The following GDI2 variants were observed in gnomAD, a reference collection of about 807,000 sequenced individuals.
GDI2 encodes the protein rab GDP dissociation inhibitor beta.
GDI2 carries 22 observed loss-of-function variants against 54.2 expected under a neutral mutation model. The ratio of observed to expected loss-of-function variants is 0.41; its 90% CI spans 0.29 to 0.58. The LOEUF (loss-of-function observed/expected upper bound fraction) is 0.58. GDI2 is among the 20% of genes least tolerant of loss of function. GDI2 has a pLI of 0.35. For synonymous variants in GDI2, 177 were observed against 182.1 expected, an observed-to-expected ratio of 0.97 and a Z score of 0.23; for missense variants, 422 against 546.0, an observed-to-expected ratio of 0.77 and a Z score of 2.26.
In GDI2 at chr10:5,779,762, C is replaced by T. The variant is rs1479871897; in HGVS notation, c.719+5380G>A. The stretch of plus-strand genomic sequence containing the variant: ...ACACTGAAATGCAGTGGTATGATCA[C>T]GGCTCACTGCAGTCTCAACCTCTCA... On this transcript the variant is annotated intron_variant, in intron 6 of 10. Coordinates refer to ENST00000380191, the MANE Select transcript of GDI2 (RefSeq NM_001494.4). 2.7e-5 allele frequency among the ~76,000 whole-genome samples: 4 copies of T among 150,710 alleles called. No homozygotes were observed. In the South Asian group the frequency reaches 6.3e-4, roughly 24 times the overall value.
At position 5,813,300 on chromosome 10, in the gene GDI2, C is replaced by T. The variant is rs747130144; in HGVS notation, c.-42G>A. ...ACGCAGGACCCGAGCAAGGAAAAGGCGCAGGGGCTCCGTGACCACCCTACG... is the reference window on the plus strand; with the variant it reads ...ACGCAGGACCCGAGCAAGGAAAAGGTGCAGGGGCTCCGTGACCACCCTACG... On this transcript the variant is annotated 5_prime_UTR_variant, in exon 1 of 11. Transcript: ENST00000380191. 25 of 1,474,392 alleles carry T rather than the reference C, an allele frequency of 1.7e-5. No individual in the cohort carries two copies. The East Asian group carries it at 5.5e-4, about 33-fold the overall frequency. 91.3% of individuals were successfully genotyped at this position (1,474,392 alleles called of 1,614,324 possible). A position where few individuals can be genotyped will look rare whatever the true frequency, so the allele number is the denominator to read the frequency against.
intron 7 of GDI2, among the ~76,000 whole-genome samples, 160 bp downstream of exon 7, chr10:5,773,680 TAA>T (rs1840549619): frequency 6.6e-6 from 1 of 152,198 alleles, no homozygotes; most frequent in South Asian, 2.1e-4. Context: ...AAGATGCTTT[TAA>T]AACAAAGCAC....
Position 5,774,394 on chromosome 10 carries a change from G to A in GDI2, c.720-453C>T, listed in dbSNP as rs1277450291. On this transcript the variant is annotated intron_variant, in intron 6 of 10. Transcript: ENST00000380191. This position sits in a 1 kb window ranked among gnomAD's most constrained non-coding sequence, Gnocchi z 4.8. ...TAACATATTTTGGTGCCTGTGACTC[G>A]GCTACCTTCCACCAGCAACACATTT... Among the ~76,000 whole-genome samples the A allele has an allele frequency of 1.3e-5, 2 of 152,100 alleles. No homozygotes were observed. The highest frequency in any genetic ancestry group is 2.1e-4 in the South Asian group (1 of 4,818).
Position 5,776,865 on chromosome 10 carries a change from T to C in GDI2, c.720-2924A>G, listed in dbSNP as rs1196960934. 2 of 1,168,654 alleles carry C rather than the reference T, an allele frequency of 1.7e-6. No individual in the cohort carries two copies. The highest frequency in any genetic ancestry group is 1.6e-5 in the African/African-American group (1 of 64,340). The allele number at this position is 1,168,654 out of a possible 1,614,324, so 72.4% of individuals were successfully genotyped here. A position where few individuals can be genotyped will look rare whatever the true frequency, so the allele number is the denominator to read the frequency against. ...TGAAAGGATTTATGAATAATTAAAA[T>C]GGAAGGCCAGAGAAGAGGGGAGAAG... On this transcript the variant is annotated intron_variant, in intron 6 of 10. Transcript: ENST00000380191. The surrounding 1 kb of genome is among the most constrained non-coding windows in gnomAD (Gnocchi z 5.3).
intron 6 of GDI2, among the ~76,000 whole-genome samples, chr10:5,780,240 AAAAAC>A (rs1840724223): frequency 6.6e-6 from 1 of 151,498 alleles, no homozygotes; most frequent in African/African-American, 2.4e-5. Flanking sequence ...AAACAAACAA[AAAAAC>A]AGACCAAACT....
At chr10:5,793,234 A>G (rs750027941) in intron 4 of GDI2, among the ~76,000 whole-genome samples, 2 of 152,066 alleles carry the variant, frequency 1.3e-5, no homozygotes, top group Admixed American at 6.6e-5. Flanking sequence ...GCCTAAATCA[A>G]TCCTCCTACC....
intron 4 of GDI2, among the ~76,000 whole-genome samples, chr10:5,792,461 C>T (rs1452910153): frequency 6.6e-6 from 1 of 152,080 alleles, no homozygotes; most frequent in Non-Finnish European, 1.5e-5. Context: ...TGAACTTTGC[C>T]ACCTCTCCAC....
chr10:5,811,149 C>T, intron 1 of GDI2, among the ~76,000 whole-genome samples: 1 of 152,134 alleles, frequency 6.6e-6, no homozygotes, highest in East Asian at 1.9e-4. Context: ...TATATGATTT[C>T]TCATTATCAA....
At chr10:5,782,558 A>C (rs940408433) in intron 6 of GDI2, among the ~76,000 whole-genome samples, 1 of 152,316 alleles carries the variant, frequency 6.6e-6, no homozygotes, top group East Asian at 1.9e-4. Context: ...ATAGCCAAAA[A>C]CTGAAAACTA....
At position 5,766,409 on chromosome 10, in the gene GDI2, C is replaced by A; in HGVS notation, c.1136+85G>T. On this transcript the variant is annotated intron_variant, in intron 9 of 10. Transcript: ENST00000380191. The surrounding 1 kb of genome is among the most constrained non-coding windows in gnomAD (Gnocchi z 5.8). ...CCACAGAGCAGCCAGCAGCTACCTG[C>A]CTTGCCCTCACATTCGTCCCACCAT... 1 of 1,530,540 alleles carries A rather than the reference C, an allele frequency of 6.5e-7. No individual in the cohort carries two copies. Among genetic ancestry groups the A allele is most frequent in the African/African-American group, 1.4e-5 (1 of 73,366 alleles). 94.8% of individuals were successfully genotyped at this position (1,530,540 alleles called of 1,614,324 possible).
rs190743732 is a variant in GDI2, at chr10:5,774,862, C to T, written c.720-921G>A. On this transcript the variant is annotated intron_variant, in intron 6 of 10. Transcript: ENST00000380191. This position sits in a 1 kb window ranked among gnomAD's most constrained non-coding sequence, Gnocchi z 4.8. Reference sequence around the variant, plus strand: ...GGGACTATCCACATCAGAGGCAAATCTGCCATTTCTCTGGATTCACACCCA... The same window carrying T: ...GGGACTATCCACATCAGAGGCAAATTTGCCATTTCTCTGGATTCACACCCA... 3.3e-5 allele frequency among the ~76,000 whole-genome samples: 5 copies of T among 152,152 alleles called. No individual in the cohort carries two copies. Among genetic ancestry groups the T allele is most frequent in the African/African-American group, 1.2e-4 (5 of 41,414 alleles).
At chr10:5,787,578 C>T (rs1175244618) in intron 4 of GDI2, among the ~76,000 whole-genome samples, 1 of 151,908 alleles carries the variant, frequency 6.6e-6, no homozygotes, top group African/African-American at 2.4e-5. Flanking sequence ...TTAAGATTTA[C>T]AATTCAGCCT....
At chr10:5,802,411 C>G (rs1335190294) in intron 1 of GDI2, among the ~76,000 whole-genome samples, 1 of 152,066 alleles carries the variant, frequency 6.6e-6, no homozygotes, top group African/African-American at 2.4e-5. Flanking sequence ...CCATCCTGGC[C>G]AACATGGTGA....
At position 5,766,413 on chromosome 10, in the gene GDI2, G is replaced by T; in HGVS notation, c.1136+81C>A. The T allele has an allele frequency of 6.5e-7, 1 of 1,532,246 alleles. No homozygotes were observed. The highest frequency in any genetic ancestry group is 9.0e-7 in the Non-Finnish European group (1 of 1,106,144). 94.9% of individuals were successfully genotyped at this position (1,532,246 alleles called of 1,614,324 possible). ...AGAGCAGCCAGCAGCTACCTGCCTT[G>T]CCCTCACATTCGTCCCACCATGGAG... On this transcript the variant is annotated intron_variant, in intron 9 of 10. Transcript: ENST00000380191. The surrounding 1 kb of genome is among the most constrained non-coding windows in gnomAD (Gnocchi z 5.8).
chr10:5,766,632 T>C lies in GDI2; in HGVS notation c.998A>G (p.Tyr333Cys). 1 of 1,613,340 alleles carries C rather than the reference T, an allele frequency of 6.2e-7. No homozygotes were observed. Among genetic ancestry groups the C allele is most frequent in the Non-Finnish European group, 8.5e-7 (1 of 1,179,312 alleles). The change falls in exon 9 of 11, where the codon TAC (tyrosine) becomes TGC (cysteine). Residue 333 changes from tyrosine (Y) to cysteine (C), a missense_variant. Tyr to Cys is a radical substitution (Grantham distance 194, BLOSUM62 -2). Transcript: ENST00000380191. The surrounding 1 kb of genome is among the most constrained non-coding windows in gnomAD (Gnocchi z 5.8). ...GTGCGCAAAGGAGATCATGCAGACG[T>C]AGATATCTAGAAACAAATGATACCA... ...QNQVNRKSDI[Y>C]VCMISFAHNV...
intron 1 of GDI2, among the ~76,000 whole-genome samples, chr10:5,808,532 C>T (rs761043271): frequency 2.6e-5 from 4 of 151,544 alleles, no homozygotes; most frequent in Non-Finnish European, 5.9e-5. Context: ...AAAAATTAGC[C>T]GGGCGTGGTG....
chr10:5,768,325 T>A lies in GDI2; in HGVS notation c.879A>T (p.Lys293Asn), dbSNP rs1840406756. The change falls in exon 8 of 11, where the codon AAA becomes AAT. Residue 293 changes from lysine to asparagine, a missense_variant. Physicochemically the swap from Lys to Asn is moderately conservative, Grantham distance 94 (BLOSUM62 0). Transcript: ENST00000380191. The surrounding 1 kb of genome is among the most constrained non-coding windows in gnomAD (Gnocchi z 4.4). ...DPSYVKDRVE[K>N]VGQVIRVICI... ...AAATAACTCTGATCACCTGGCCCAC[T>A]TTTTCTACCCGATCTTTTACGTAGC... The A allele has an allele frequency of 1.9e-6, 3 of 1,612,288 alleles. No homozygotes were observed. The highest frequency in any genetic ancestry group is 2.5e-6 in the Non-Finnish European group (3 of 1,178,304).
chr10:5,798,669 A>G (rs1841200627), intron 2 of GDI2, among the ~76,000 whole-genome samples: 1 of 151,978 alleles, frequency 6.6e-6, no homozygotes, highest in African/African-American at 2.4e-5. Context: ...TACTCATTGT[A>G]TTGAAGATCA....
At chr10:5,777,790 T>C (rs1840659686) in intron 6 of GDI2, among the ~76,000 whole-genome samples, 1 of 152,212 alleles carries the variant, frequency 6.6e-6, no homozygotes, top group Non-Finnish European at 1.5e-5. Context: ...ACTGGGTATA[T>C]ACCCAAAGGA....
Sources: gnomAD v4.1 joint callset for allele counts (sites outside exome capture counted in the v4.1 genomes callset) on GRCh38, gnomAD v4.1.1 for gene constraint, Gnocchi (gnomAD v3.1) non-coding constraint, MANE v1.5 for transcripts, NCBI Gene and HGNC (gene_info 2026-07-23, HGNC 2026-07-21) for gene names.